Variants in ARMH3 observed in about 807,000 individuals in gnomAD.
ARMH3 encodes armadillo-like helical domain-containing protein 3.
ARMH3 carries 60 observed loss-of-function variants against 99.1 expected under a neutral mutation model. The ratio of observed to expected loss-of-function variants is 0.61; its 90% confidence interval spans 0.49 to 0.75. ARMH3 has a LOEUF of 0.75. Among genes scored for constraint, ARMH3 ranks in the 30% least tolerant of loss-of-function variants. ARMH3 has a pLI of 0.00. For synonymous variants in ARMH3, 285 were observed against 292.8 expected (o/e 0.97, Z 0.27); for missense variants, 679 against 843.1 (o/e 0.81, Z 2.41).
chr10:101,952,619 T>C (rs570502405), intron 22 of ARMH3: 12 of 152,350 alleles, frequency 7.9e-5, no homozygotes, highest in African/African-American at 2.4e-4. Flanking sequence ...GACTCATCAA[T>C]GGCAGTAGTA....
chr10:101,893,288 G>A (rs1191366115), intron 23 of ARMH3, among the ~76,000 whole-genome samples: 1 of 152,104 alleles, frequency 6.6e-6, no homozygotes, highest in Non-Finnish European at 1.5e-5. Context: ...AGGTATCTTC[G>A]AAAAAGATTT....
At chr10:101,917,473 T>C (rs533171665) in intron 23 of ARMH3, among the ~76,000 whole-genome samples, 1 of 152,358 alleles carries the variant, frequency 6.6e-6, no homozygotes, top group South Asian at 2.1e-4. Flanking sequence ...ATTATATAGA[T>C]GTACCATAGT....
intron 23 of ARMH3, among the ~76,000 whole-genome samples, chr10:101,912,575 C>A (rs781758136): frequency 2.0e-5 from 3 of 152,122 alleles, no homozygotes; most frequent in Non-Finnish European, 4.4e-5. Flanking sequence ...CTTGTAGACT[C>A]CATCAGGTTT....
intron 8 of ARMH3, among the ~76,000 whole-genome samples, chr10:102,022,460 C>G (rs1445306887): frequency 7.1e-6 from 1 of 141,808 alleles, no homozygotes; most frequent in South Asian, 2.4e-4. Context: ...CCACTGCACT[C>G]CAGCCTGGGC....
At position 102,010,027 on chromosome 10, in the gene ARMH3, T is replaced by C. The variant is rs200103624; in HGVS notation, c.832-4A>G. 4.2e-5 allele frequency: 68 copies of C among 1,613,692 alleles called. No individual in the cohort carries two copies. In the East Asian group the frequency reaches 1.4e-3, roughly 34 times the overall value. On this transcript the variant is annotated splice_region_variant and splice_polypyrimidine_tract_variant and intron_variant, in intron 11 of 25. Transcript: ENST00000370033. ...CTGCTATGAACATGCTGCCCACCTG[T>C]GGAAGAAAAGGGGAATTGCAAACTT...
At chr10:101,957,857 T>C in intron 20 of ARMH3, 125 bp from the exon 21 acceptor site, 1 of 1,329,046 alleles carries the variant, frequency 7.5e-7, no homozygotes, top group Non-Finnish European at 1.0e-6. Context: ...GCCACCAAGG[T>C]CTTTTAAAAA....
chr10:101,917,544 A>C (rs1410480477), intron 23 of ARMH3, among the ~76,000 whole-genome samples: 2 of 152,234 alleles, frequency 1.3e-5, no homozygotes, highest in African/African-American at 4.8e-5. Flanking sequence ...TGTATAAATA[A>C]AGCCACTATA....
At chr10:101,990,465 C>T in intron 19 of ARMH3, 86 bp downstream of exon 19, 1 of 1,071,360 alleles carries the variant, frequency 9.3e-7, no homozygotes, top group Non-Finnish European at 1.4e-6. Flanking sequence ...GCCATGGCGC[C>T]CGGCCTACAC....
chr10:101,979,845 C>T (rs1390166814), intron 19 of ARMH3, among the ~76,000 whole-genome samples: 1 of 152,102 alleles, frequency 6.6e-6, no homozygotes, highest in African/African-American at 2.4e-5. Flanking sequence ...TTTATATTTC[C>T]TATTTTCAAT....
intron 23 of ARMH3, among the ~76,000 whole-genome samples, chr10:101,900,975 C>A (rs555443981): frequency 1.3e-5 from 2 of 151,766 alleles, no homozygotes; most frequent in South Asian, 2.1e-4. Context: ...CAGAGCAAGA[C>A]CCTGTCTCTA....
intron 23 of ARMH3, among the ~76,000 whole-genome samples, chr10:101,909,345 T>G (rs781105707): frequency 1.3e-5 from 2 of 150,210 alleles, no homozygotes; most frequent in South Asian, 2.1e-4. Flanking sequence ...AGGCAGAGGT[T>G]GTAGTAAGCC....
At chr10:102,002,521 GA>G (rs2066384376) in intron 14 of ARMH3, among the ~76,000 whole-genome samples, 2 of 152,008 alleles carry the variant, frequency 1.3e-5, no homozygotes, top group African/African-American at 4.8e-5. Flanking sequence ...AAATCTTGCT[GA>G]ATTTTGAGAA....
intron 9 of ARMH3, 53 bp downstream of exon 9, chr10:102,013,915 A>T: frequency 1.4e-6 from 2 of 1,410,456 alleles, no homozygotes; most frequent in Non-Finnish European, 2.0e-6. Flanking sequence ...CACTGAAAGT[A>T]ATACCATTGA....
chr10:101,883,612 T>C (rs1354190605), intron 24 of ARMH3, among the ~76,000 whole-genome samples: 1 of 152,116 alleles, frequency 6.6e-6, no homozygotes, highest in African/African-American at 2.4e-5. Flanking sequence ...CTTAAATACC[T>C]GCCATCTACA....
chr10:102,032,821 A>G, intron 4 of ARMH3: 1 of 533,078 alleles, frequency 1.9e-6, no homozygotes, highest in South Asian at 3.3e-5. Flanking sequence ...ATCAAATTAT[A>G]CAAATGGATA....
chr10:101,871,615 GA>G (rs747071375), intron 24 of ARMH3, among the ~76,000 whole-genome samples: 4 of 152,010 alleles, frequency 2.6e-5, no homozygotes, highest in Admixed American at 6.6e-5. Context: ...TGGCGGGGGG[GA>G]AAGAACATTT....
chr10:101,863,859 G>A (rs111943229), intron 24 of ARMH3, among the ~76,000 whole-genome samples: 2 of 151,970 alleles, frequency 1.3e-5, no homozygotes, highest in Non-Finnish European at 2.9e-5. Context: ...TCAAGAGTTC[G>A]AGACTGGCCT....
chr10:101,931,920 C>A (rs568205411), intron 23 of ARMH3, among the ~76,000 whole-genome samples: 1 of 152,198 alleles, frequency 6.6e-6, no homozygotes, highest in African/African-American at 2.4e-5. Context: ...TAAATTTCAT[C>A]AAAATTAAAA....
At chr10:101,990,657 A>C in intron 18 of ARMH3, 46 bp from the exon 19 acceptor site, 2 of 1,481,128 alleles carry the variant, frequency 1.4e-6, no homozygotes, top group Non-Finnish European at 1.9e-6. Context: ...AATGGAATTC[A>C]TTTCTTGTCT....
Sources: allele counts gnomAD v4.1 joint callset (sites outside exome capture counted in the v4.1 genomes callset), GRCh38; gene constraint gnomAD v4.1.1; transcripts MANE v1.5; gene names NCBI Gene and HGNC (gene_info 2026-07-23, HGNC 2026-07-21).